Variants in LIPA observed in about 807,000 individuals in gnomAD.
The protein encoded by LIPA is lysosomal acid lipase/cholesteryl ester hydrolase.
LIPA carries 26 observed loss-of-function variants against 40.6 expected under a neutral mutation model. The observed-to-expected ratio is 0.64, with a 90% CI of 0.47 to 0.89. The LOEUF is 0.89. Among genes scored for constraint, LIPA ranks in the 40% least tolerant of loss-of-function variants. The pLI, the probability that LIPA is intolerant of heterozygous loss-of-function variation, is 0.00. For missense variants in LIPA, 455 were observed against 479.6 expected (o/e 0.95, Z 0.48); for synonymous variants, 188 against 168.4 (o/e 1.12, Z -0.90).
chr10:89,342,169 T>A (rs1401732917), intron 1 of LIPA, among the ~76,000 whole-genome samples: 1 of 152,222 alleles, frequency 6.6e-6, no homozygotes, highest in Non-Finnish European at 1.5e-5. Flanking sequence ...CATTCCCATG[T>A]CAAGTGTCCT....
chr10:89,378,285 G>A lies in LIPA; in HGVS notation c.61+34506C>T, dbSNP rs1844137188. ...TGACCCTGATAGGCACCCTCAACATGATAACCAAGAAGAGTTTAATAAGGG... is the reference window on the plus strand; with the variant it reads ...TGACCCTGATAGGCACCCTCAACATAATAACCAAGAAGAGTTTAATAAGGG... On this transcript the variant is annotated intron_variant, in intron 2 of 8. Coordinates refer to the LIPA transcript ENST00000371837. 5.3e-6 allele frequency: 4 copies of A among 757,104 alleles called. No individual in the cohort carries two copies. The Admixed American group carries it at 8.5e-5, about 16-fold the overall frequency. The allele number at this position is 757,104 out of a possible 1,614,324, so 46.9% of individuals were successfully genotyped here. A position where few individuals can be genotyped will look rare whatever the true frequency, so the allele number is the denominator to read the frequency against.
At chr10:89,356,955 T>G (rs1303741294) in intron 2 of LIPA, among the ~76,000 whole-genome samples, 1 of 152,100 alleles carries the variant, frequency 6.6e-6, no homozygotes, top group African/African-American at 2.4e-5. Flanking sequence ...TAGCTCTTCT[T>G]CCCTCCCCAG....
At chr10:89,373,660 G>C (rs985664477) in intron 2 of LIPA, among the ~76,000 whole-genome samples, 4 of 152,168 alleles carry the variant, frequency 2.6e-5, no homozygotes, top group African/African-American at 9.7e-5. Context: ...TCTAGACTCA[G>C]AGCCTCATAG....
chr10:89,326,999 G>T (rs1056441277), intron 1 of LIPA, among the ~76,000 whole-genome samples: 7 of 152,214 alleles, frequency 4.6e-5, no homozygotes, highest in Middle Eastern at 3.2e-3. Context: ...GGTCCAGAAA[G>T]GTGGGACAAT....
intron 6 of LIPA, among the ~76,000 whole-genome samples, chr10:89,224,053 A>C (rs1842736062): frequency 6.6e-6 from 1 of 152,242 alleles, no homozygotes; most frequent in South Asian, 2.1e-4. Context: ...AATGAAGAGA[A>C]GGAGGCAGAA....
intron 2 of LIPA, among the ~76,000 whole-genome samples, chr10:89,370,605 C>T (rs1844086303): frequency 6.6e-6 from 1 of 152,070 alleles, no homozygotes; most frequent in Admixed American, 6.6e-5. Context: ...GCACTATTGC[C>T]ATTTGGGGCC....
intron 2 of LIPA, among the ~76,000 whole-genome samples, chr10:89,359,982 T>C (rs1330096276): frequency 6.6e-6 from 1 of 152,150 alleles, no homozygotes; most frequent in Non-Finnish European, 1.5e-5. Context: ...TAACTAGGAA[T>C]GATTATAACT....
At chr10:89,333,324 TTGAG>T (rs1843678635) in intron 1 of LIPA, among the ~76,000 whole-genome samples, 1 of 152,174 alleles carries the variant, frequency 6.6e-6, no homozygotes, top group Non-Finnish European at 1.5e-5. Context: ...GAAATCCTGA[TTGAG>T]TAAAACAGAA....
chr10:89,264,052 G>T (rs1843223359), intron 1 of LIPA, among the ~76,000 whole-genome samples: 1 of 152,234 alleles, frequency 6.6e-6, no homozygotes, highest in Non-Finnish European at 1.5e-5. Context: ...CCCAAAGAGG[G>T]TGGCACAGCC....
At chr10:89,317,646 G>A (rs937103237) in intron 1 of LIPA, among the ~76,000 whole-genome samples, 25 of 152,336 alleles carry the variant, frequency 1.6e-4, no homozygotes, top group African/African-American at 6.0e-4. Context: ...ACACTCTGCA[G>A]GATATTATGC....
At position 89,225,306 on chromosome 10, in the gene LIPA, G is replaced by C. The variant is rs1050297797; in HGVS notation, c.539-78C>G. 3.2e-5 allele frequency: 50 copies of C among 1,570,400 alleles called. No individual in the cohort carries two copies. In the African/African-American group the frequency reaches 6.1e-4, roughly 19 times the overall value. On this transcript the variant is annotated intron_variant, in intron 5 of 9. Transcript: ENST00000336233. ...TCAGAAAACACAAAGGCCGTCACTC[G>C]CGACGCCCTCTCGCGGAGGCCTGAG...
At chr10:89,317,724 A>G (rs960378333) in intron 1 of LIPA, among the ~76,000 whole-genome samples, 2 of 152,216 alleles carry the variant, frequency 1.3e-5, no homozygotes, top group South Asian at 2.1e-4. Context: ...GAACGCCACA[A>G]AGATATTCCT....
Position 89,412,789 on chromosome 10 carries a change from AC to A in LIPA, c.61+1del. The A allele has an allele frequency of 2.4e-6, 1 of 417,126 alleles. No individual in the cohort carries two copies. Among genetic ancestry groups the A allele is most frequent in the Admixed American group, 2.8e-5 (1 of 35,488 alleles). 25.8% of individuals were successfully genotyped at this position (417,126 alleles called of 1,614,324 possible). On this transcript the variant is annotated splice_donor_variant, in intron 2 of 8. Transcript: ENST00000371837. LOFTEE classifies it high-confidence loss of function. ...CTGAAGTCAGCAAGACCACGAACTC[AC>A]CAGAAGGAAGAAACTCCAGACACAT...
intron 2 of LIPA, among the ~76,000 whole-genome samples, chr10:89,379,549 G>T (rs1248066350): frequency 6.6e-6 from 1 of 152,136 alleles, no homozygotes; most frequent in Non-Finnish European, 1.5e-5. Flanking sequence ...ACCTGCTAGA[G>T]TTCTCCCATC....
At chr10:89,226,560 C>T (rs1842772647) in intron 5 of LIPA, among the ~76,000 whole-genome samples, 1 of 152,192 alleles carries the variant, frequency 6.6e-6, no homozygotes, top group Non-Finnish European at 1.5e-5. Flanking sequence ...TTCCACTTAA[C>T]TTCAGAAGGC....
intron 2 of LIPA, chr10:89,384,347 A>C (rs750652982): frequency 2.0e-5 from 32 of 1,614,054 alleles, no homozygotes; most frequent in Non-Finnish European, 2.6e-5. Flanking sequence ...GCCTATGTTG[A>C]CCTGGCTGAA....
chr10:89,395,564 C>G (rs946945897), intron 2 of LIPA, among the ~76,000 whole-genome samples: 1 of 152,138 alleles, frequency 6.6e-6, no homozygotes, highest in African/African-American at 2.4e-5. Context: ...GAGAGAGTGG[C>G]TGTCTCAGTA....
intron 1 of LIPA, among the ~76,000 whole-genome samples, chr10:89,312,707 G>A (rs1312966537): frequency 1.3e-5 from 2 of 151,786 alleles, no homozygotes; most frequent in Non-Finnish European, 2.9e-5. Context: ...TACTCGGGAG[G>A]CTGAGGCAGG....
intron 2 of LIPA, among the ~76,000 whole-genome samples, chr10:89,399,547 T>C (rs1844391593): frequency 1.3e-5 from 2 of 152,222 alleles, no homozygotes. Context: ...TTAATTTTTG[T>C]ATATGGCATA....
Sources: gnomAD v4.1 joint callset for allele counts (sites outside exome capture counted in the v4.1 genomes callset) on GRCh38, gnomAD v4.1.1 for gene constraint, MANE v1.5 for transcripts, NCBI Gene and HGNC (gene_info 2026-07-23, HGNC 2026-07-21) for gene names.